Variants in LRP1B observed in about 807,000 individuals in gnomAD.
LRP1B encodes the protein low-density lipoprotein receptor-related protein 1B.
LRP1B carries 217 observed loss-of-function variants against 556.6 expected under a neutral mutation model. The ratio of observed to expected loss-of-function variants is 0.39; its 90% CI spans 0.35 to 0.44. The LOEUF (loss-of-function observed/expected upper bound fraction) is 0.44, where lower values mean the gene tolerates loss of function less well. Among genes scored for constraint, LRP1B ranks in the 20% least tolerant of loss-of-function variants. The probability of loss-of-function intolerance (pLI) is 1.00; values close to 1 mark genes in which losing one functional copy is unlikely to be tolerated. For synonymous variants in LRP1B, 2,047 were observed against 1,865.8 expected (o/e 1.10, Z -2.50); for missense variants, 5,053 against 5,620.8 (o/e 0.90, Z 3.23).
Position 140,485,201 on chromosome 2 carries a change from G to A in LRP1B, c.9425+142C>T, listed in dbSNP as rs1302508172. On this transcript the variant is annotated intron_variant, in intron 59 of 90. Transcript: ENST00000389484. ...CTTTCATTGTGATAATCACATTACT[G>A]TTTTTTTCTATTTCTAAGTGAGAAT... 8.6e-6 allele frequency: 4 copies of A among 466,408 alleles called. No individual in the cohort carries two copies. In the Admixed American group the frequency reaches 1.7e-4, roughly 19 times the overall value. 28.9% of individuals were successfully genotyped at this position (466,408 alleles called of 1,614,324 possible).
intron 2 of LRP1B, among the ~76,000 whole-genome samples, chr2:141,488,959 G>T (rs12151429): frequency 8.1e-6 from 1 of 123,992 alleles, no homozygotes; most frequent in Non-Finnish European, 1.8e-5. Context: ...TCTTTTACAT[G>T]GGTTTGTTTT....
At chr2:141,710,794 TTG>T (rs1295878082) in intron 2 of LRP1B, among the ~76,000 whole-genome samples, 1 of 152,194 alleles carries the variant, frequency 6.6e-6, no homozygotes, top group Non-Finnish European at 1.5e-5. Context: ...CCTTTGGTTA[TTG>T]CTACAAACAG....
chr2:141,636,952 G>A (rs1339826916), intron 2 of LRP1B, among the ~76,000 whole-genome samples: 1 of 152,032 alleles, frequency 6.6e-6, no homozygotes, highest in Non-Finnish European at 1.5e-5. Flanking sequence ...CCAAACTATT[G>A]AAAATGGTTA....
At chr2:140,770,172 A>T (rs532536487) in intron 34 of LRP1B, among the ~76,000 whole-genome samples, 1 of 151,888 alleles carries the variant, frequency 6.6e-6, no homozygotes, top group African/African-American at 2.4e-5. Flanking sequence ...CTACCTCATG[A>T]GGTTATGAGG....
intron 1 of LRP1B, among the ~76,000 whole-genome samples, chr2:141,889,416 T>C (rs1051633877): frequency 1.3e-5 from 2 of 152,136 alleles, no homozygotes; most frequent in Admixed American, 1.3e-4. Context: ...TGTGATTTTC[T>C]AGAGAATGAA....
At chr2:141,546,219 G>A (rs563276854) in intron 2 of LRP1B, among the ~76,000 whole-genome samples, 29 of 152,158 alleles carry the variant, frequency 1.9e-4, no homozygotes, top group African/African-American at 5.5e-4. Context: ...ACCCACTCAC[G>A]ATAGACTCAC....
intron 52 of LRP1B, among the ~76,000 whole-genome samples, chr2:140,509,031 T>C (rs1161383382): frequency 6.7e-6 from 1 of 150,280 alleles, no homozygotes; most frequent in Non-Finnish European, 1.5e-5. Context: ...TTTTCTTTTC[T>C]ACTTTAACTA....
chr2:140,672,482 TAAA>T (rs55884730), intron 41 of LRP1B, among the ~76,000 whole-genome samples: 1,517 of 81,564 alleles, frequency 0.019, 77 homozygotes, highest in East Asian at 0.15. Context: ...AGACTCCATC[TAAA>T]AAAAAAAAAA....
chr2:141,908,297 C>T (rs898265597), intron 1 of LRP1B, among the ~76,000 whole-genome samples: 1 of 152,020 alleles, frequency 6.6e-6, no homozygotes, highest in Non-Finnish European at 1.5e-5. Context: ...ACTAAGTTTA[C>T]ACTTAAATGC....
intron 79 of LRP1B, among the ~76,000 whole-genome samples, chr2:140,332,096 G>C (rs1317339129): frequency 6.6e-6 from 1 of 151,974 alleles, no homozygotes; most frequent in South Asian, 2.1e-4. Context: ...TTCAAAACCA[G>C]GTGTATCTGA....
chr2:140,575,935 C>G (rs1409694359), intron 43 of LRP1B, among the ~76,000 whole-genome samples: 1 of 146,936 alleles, frequency 6.8e-6, no homozygotes, highest in African/African-American at 2.5e-5. Context: ...AAACAAAAAA[C>G]AAAAAACAAA....
chr2:141,753,217 C>T (rs1574321881), intron 2 of LRP1B, among the ~76,000 whole-genome samples: 2 of 113,626 alleles, frequency 1.8e-5, no homozygotes, highest in African/African-American at 6.5e-5. Context: ...CATTGCACTC[C>T]AGCCTGGGCA....
intron 7 of LRP1B, among the ~76,000 whole-genome samples, chr2:141,145,298 AATT>A (rs1356553614): frequency 2.0e-5 from 3 of 152,126 alleles, no homozygotes; most frequent in Admixed American, 6.5e-5. Flanking sequence ...TACGTGTGCT[AATT>A]ATATCACAGA....
chr2:141,729,087 T>C (rs1458226810), intron 2 of LRP1B, among the ~76,000 whole-genome samples: 3 of 152,114 alleles, frequency 2.0e-5, no homozygotes, highest in African/African-American at 4.8e-5. Context: ...ACTGGGTTCT[T>C]TGTGGGCTTC....
At chr2:140,734,433 T>G (rs570828625) in intron 35 of LRP1B, among the ~76,000 whole-genome samples, 3 of 152,180 alleles carry the variant, frequency 2.0e-5, no homozygotes, top group Non-Finnish European at 4.4e-5. Flanking sequence ...GATGAATTGA[T>G]TTGTGTAAAA....
At chr2:141,118,718 T>C (rs56075521) in intron 7 of LRP1B, among the ~76,000 whole-genome samples, 2,078 of 152,052 alleles carry the variant, frequency 0.014, 58 homozygotes, top group African/African-American at 0.048. Context: ...CACAATAATC[T>C]AGTGAGATAG....
At chr2:141,327,505 A>G (rs1159197314) in intron 3 of LRP1B, among the ~76,000 whole-genome samples, 1 of 152,206 alleles carries the variant, frequency 6.6e-6, no homozygotes, top group Non-Finnish European at 1.5e-5. Context: ...ACACAGGAAT[A>G]GTTAGATTCA....
At chr2:140,274,286 T>G in intron 85 of LRP1B, 138 bp downstream of exon 85, 1 of 691,870 alleles carries the variant, frequency 1.4e-6, no homozygotes, top group Non-Finnish European at 2.4e-6. Context: ...ACTTACTCTC[T>G]AATCATAAAA....
chr2:141,189,636 T>G (rs982548834), intron 6 of LRP1B, among the ~76,000 whole-genome samples: 5 of 150,944 alleles, frequency 3.3e-5, no homozygotes, highest in African/African-American at 1.2e-4. Flanking sequence ...GCTTCTTCCT[T>G]TTAGGTCAAC....
Sources: allele counts gnomAD v4.1 joint callset (sites outside exome capture counted in the v4.1 genomes callset), GRCh38; gene constraint gnomAD v4.1.1; transcripts MANE v1.5; gene names NCBI Gene and HGNC (gene_info 2026-07-23, HGNC 2026-07-21).